Variants in SHE observed in about 807,000 individuals in gnomAD.
The protein encoded by SHE is Src homology 2 domain containing E.
A neutral mutation model predicts 49.8 loss-of-function variants in SHE; 11 were observed. That is an observed-to-expected ratio of 0.22 (90% CI 0.14 to 0.37). SHE has a LOEUF of 0.37. Ranked by LOEUF, SHE falls within the 10% of genes least tolerant of loss-of-function variation. The pLI is 1.00. For missense variants in SHE, 624 were observed against 655.5 expected (o/e 0.95, Z 0.52); for synonymous variants, 310 against 278.1 (o/e 1.11, Z -1.14).
In SHE at chr1:154,481,293, C is replaced by T. The variant is rs1202671293; in HGVS notation, c.*2856G>A. 9.1e-6 allele frequency: 9 copies of T among 985,414 alleles called. No individual in the cohort carries two copies. The East Asian group carries it at 5.7e-4, about 62-fold the overall frequency. The allele number at this position is 985,414 out of a possible 1,614,324, so 61.0% of individuals were successfully genotyped here. Reference sequence around the variant, plus strand: ...TCAAGAAGAAAATAGCTCACTAACGCCCCCACCTCTGACTTCCCACTAATT... The same window carrying T: ...TCAAGAAGAAAATAGCTCACTAACGTCCCCACCTCTGACTTCCCACTAATT... On this transcript the variant is annotated 3_prime_UTR_variant, in exon 6 of 6. Coordinates refer to ENST00000304760, the MANE Select transcript of SHE (RefSeq NM_001010846.3).
downstream of SHE, among the ~76,000 whole-genome samples, chr1:154,475,600 A>G (rs553688495): frequency 6.6e-6 from 1 of 152,356 alleles, no homozygotes; most frequent in African/African-American, 2.4e-5. Flanking sequence ...AGAATTAAAG[A>G]TAGCTTTATT....
rs1691969300 is a variant in SHE, at chr1:154,479,705, T to C, written c.*4444A>G. On this transcript the variant is annotated 3_prime_UTR_variant, in exon 6 of 6. Transcript: ENST00000304760. ...TTGATATCTAAAATATTAAAGCCCC[T>C]GACAAACTGAACGGCTAAGAACTTG... 1.0e-6 allele frequency: 1 copy of C among 984,860 alleles called. No homozygotes were observed. Among genetic ancestry groups the C allele is most frequent in the Non-Finnish European group, 1.2e-6 (1 of 829,544 alleles). The allele number at this position is 984,860 out of a possible 1,614,324, so 61.0% of individuals were successfully genotyped here. A position where few individuals can be genotyped will look rare whatever the true frequency, so the allele number is the denominator to read the frequency against.
rs974365173 is a variant in SHE, at chr1:154,501,877, C to T, written c.150G>A (p.Lys50=). 2.5e-5 allele frequency: 38 copies of T among 1,533,764 alleles called. No individual in the cohort carries two copies. The highest frequency in any genetic ancestry group is 3.1e-5 in the Non-Finnish European group (36 of 1,146,986). Residue 50 remains lysine (K), a synonymous_variant, in exon 1 of 6, where the codon AAG becomes AAA. Coordinates refer to ENST00000304760, the MANE Select transcript of SHE (RefSeq NM_001010846.3). ...KWFKEFPLNL[K]TVSERAKPGG... Reference sequence around the variant, plus strand: ...CGGGCTTGGCCCGCTCCGACACGGTCTTCAGGTTCAGGGGGAACTCCTTGA... The same window carrying T: ...CGGGCTTGGCCCGCTCCGACACGGTTTTCAGGTTCAGGGGGAACTCCTTGA...
chr1:154,488,998 G>T, intron 3 of SHE, 53 bp downstream of exon 3: 1 of 1,506,002 alleles, frequency 6.6e-7, no homozygotes, highest in Non-Finnish European at 8.9e-7. Flanking sequence ...GGGCTGATGC[G>T]GTGGCCAGAA....
chr1:154,494,374 GTTTTTTTT>G, intron 2 of SHE, among the ~76,000 whole-genome samples: 1 of 118,752 alleles, frequency 8.4e-6, no homozygotes, highest in Non-Finnish European at 1.7e-5. Flanking sequence ...AGACATAACA[GTTTTTTTT>G]TTTTTTTTTT....
In SHE at chr1:154,502,074, T is replaced by G; in HGVS notation, c.-48A>C. ...GGCCGCGGCGAGGCCCCGCGACGGC[T>G]GCTCCGTGCGCCCCCGGCCGGCCGT... On this transcript the variant is annotated 5_prime_UTR_variant, in exon 1 of 6. Coordinates refer to ENST00000304760, the MANE Select transcript of SHE (RefSeq NM_001010846.3). 8.1e-7 allele frequency: 1 copy of G among 1,234,006 alleles called. No individual in the cohort carries two copies. Among genetic ancestry groups the G allele is most frequent in the Non-Finnish European group, 1.0e-6 (1 of 987,646 alleles). 76.4% of individuals were successfully genotyped at this position (1,234,006 alleles called of 1,614,324 possible).
At chr1:154,489,822 TACTC>T (rs1345032459) in intron 2 of SHE, among the ~76,000 whole-genome samples, 1 of 152,222 alleles carries the variant, frequency 6.6e-6, no homozygotes, top group Non-Finnish European at 1.5e-5. Context: ...ACATGTAACT[TACTC>T]AGTATCATGG....
rs1008011393 is a variant in SHE at position 154,484,427 on chromosome 1, T to C, written c.1302-92A>G. The C allele has an allele frequency of 7.6e-6, 8 of 1,054,506 alleles. 1 individual carries two copies. Among genetic ancestry groups the C allele is most frequent in the East Asian group, 5.0e-5 (2 of 40,390 alleles). The allele number at this position is 1,054,506 out of a possible 1,614,324, so 65.3% of individuals were successfully genotyped here. A position where few individuals can be genotyped will look rare whatever the true frequency, so the allele number is the denominator to read the frequency against. On this transcript the variant is annotated intron_variant, in intron 5 of 5. Coordinates refer to ENST00000304760, the MANE Select transcript of SHE (RefSeq NM_001010846.3). ...TGCAGCCAGATTCACACTAGGTTGA[T>C]AGGTTCTCATCCATCCCGTAATGGT...
downstream of SHE, among the ~76,000 whole-genome samples, chr1:154,476,163 T>C (rs1691871127): frequency 6.6e-6 from 1 of 152,034 alleles, no homozygotes; most frequent in South Asian, 2.1e-4. Flanking sequence ...CTAAGCAATA[T>C]AGTGAGACCT....
intron 3 of SHE, among the ~76,000 whole-genome samples, chr1:154,487,652 G>A (rs566615366): frequency 6.6e-6 from 1 of 151,946 alleles, no homozygotes; most frequent in South Asian, 2.1e-4. Flanking sequence ...AGGAGTTCAA[G>A]ACCCACCTGG....
Position 154,480,804 on chromosome 1 carries a change from CATCCTGAGATACA to C in SHE, c.*3332_*3344del. On this transcript the variant is annotated 3_prime_UTR_variant, in exon 6 of 6. Transcript: ENST00000304760. ...CACACAAGGCCAGTGGTTTGCAGGC[CATCCTGAGATACA>C]ACTATGGTATCAAAGTAAATAGCAA... 1 of 985,390 alleles carries C rather than the reference CATCCTGAGATACA, an allele frequency of 1.0e-6. No homozygotes were observed. The highest frequency in any genetic ancestry group is 1.2e-6 in the Non-Finnish European group (1 of 829,926). The allele number at this position is 985,390 out of a possible 1,614,324, so 61.0% of individuals were successfully genotyped here.
In SHE at chr1:154,482,834, T is replaced by G; in HGVS notation, c.*1315A>C. 1.0e-6 allele frequency: 1 copy of G among 985,458 alleles called. No homozygotes were observed. The highest frequency in any genetic ancestry group is 1.2e-6 in the Non-Finnish European group (1 of 829,934). 61.0% of individuals were successfully genotyped at this position (985,458 alleles called of 1,614,324 possible). On this transcript the variant is annotated 3_prime_UTR_variant, in exon 6 of 6. Transcript: ENST00000304760. ...TCTGTATAGTACAAGGCAGTCTGCTTGGTACAGAACGAGAGAATCTTTGTA... is the reference window on the plus strand; with the variant it reads ...TCTGTATAGTACAAGGCAGTCTGCTGGGTACAGAACGAGAGAATCTTTGTA...
chr1:154,490,744 A>G (rs997886907), intron 2 of SHE, among the ~76,000 whole-genome samples: 1 of 152,174 alleles, frequency 6.6e-6, no homozygotes, highest in Non-Finnish European at 1.5e-5. Flanking sequence ...TTTTAAAAGT[A>G]AGGACACAAA....
chr1:154,479,989 G>A lies in SHE; in HGVS notation c.*4160C>T, dbSNP rs1368129523. On this transcript the variant is annotated 3_prime_UTR_variant, in exon 6 of 6. Coordinates refer to ENST00000304760, the MANE Select transcript of SHE (RefSeq NM_001010846.3). Reference sequence around the variant, plus strand: ...AAATGCACAGCTGCTTTTCCCAACTGCAGTTTTCTCTTTTCCCATTAGATG... The same window carrying A: ...AAATGCACAGCTGCTTTTCCCAACTACAGTTTTCTCTTTTCCCATTAGATG... The A allele has an allele frequency of 2.5e-5, 25 of 985,310 alleles. No individual in the cohort carries two copies. The highest frequency in any genetic ancestry group is 2.9e-5 in the Non-Finnish European group (24 of 829,954). 61.0% of individuals were successfully genotyped at this position (985,310 alleles called of 1,614,324 possible). A position where few individuals can be genotyped will look rare whatever the true frequency, so the allele number is the denominator to read the frequency against.
At chr1:154,474,836 T>G (rs114006430), downstream of SHE, among the ~76,000 whole-genome samples, 1,381 of 152,216 alleles carry the variant, frequency 9.1e-3, 23 homozygotes, top group African/African-American at 0.032. Context: ...GAAGCCTTAT[T>G]ACATCCACTC....
intron 1 of SHE, among the ~76,000 whole-genome samples, chr1:154,499,758 G>A (rs1692650040): frequency 6.6e-6 from 1 of 152,170 alleles, no homozygotes; most frequent in Admixed American, 6.5e-5. Context: ...CAGCTCCAAA[G>A]ACACAGGCTT....
At chr1:154,496,696 A>G (rs909679271) in intron 2 of SHE, among the ~76,000 whole-genome samples, 7 of 152,104 alleles carry the variant, frequency 4.6e-5, no homozygotes, top group African/African-American at 1.7e-4. Flanking sequence ...TCACCCTGTC[A>G]CAAGGGGGAC....
At chr1:154,479,458 T>A (rs1380403147), downstream of SHE, 2 of 975,476 alleles carry the variant, frequency 2.1e-6, no homozygotes, top group Admixed American at 6.2e-5. Context: ...CAGAGCTAAC[T>A]GAATTAAGCA....
At chr1:154,484,995 C>T (rs1692129534) in intron 5 of SHE, 1 of 149,892 alleles carries the variant, frequency 6.7e-6, no homozygotes, top group Admixed American at 6.7e-5. Flanking sequence ...AGAAAAGAAA[C>T]CCCAAAAAAA....
Sources: gnomAD v4.1 joint callset for allele counts (sites outside exome capture counted in the v4.1 genomes callset) on GRCh38, gnomAD v4.1.1 for gene constraint, MANE v1.5 for transcripts, NCBI Gene and HGNC (gene_info 2026-07-23, HGNC 2026-07-21) for gene names.